Variants in EXTL3 observed in about 807,000 individuals in gnomAD.
EXTL3 encodes exostosin like glycosyltransferase 3.
EXTL3 carries 27 observed loss-of-function variants against 69.3 expected under a neutral mutation model. The observed-to-expected ratio is 0.39, with a 90% CI of 0.29 to 0.54. The LOEUF (loss-of-function observed/expected upper bound fraction) is 0.54, where lower values mean the gene tolerates loss of function less well. EXTL3 is among the 20% of genes least tolerant of loss of function. The pLI is 0.69. For missense variants in EXTL3, 1,003 were observed against 1,231.8 expected, an observed-to-expected ratio of 0.81 and a Z score of 2.78; for synonymous variants, 511 against 499.4, an observed-to-expected ratio of 1.02 and a Z score of -0.31.
chr8:28,675,748 G>A (rs578083035), intron 1 of EXTL3, among the ~76,000 whole-genome samples: 20 of 152,276 alleles, frequency 1.3e-4, no homozygotes, highest in East Asian at 1.9e-4. Flanking sequence ...CTGGCTGGGC[G>A]CGGCAGCTCA....
intron 1 of EXTL3, among the ~76,000 whole-genome samples, chr8:28,661,884 C>CA (rs915856534): frequency 8.5e-5 from 12 of 141,654 alleles, no homozygotes; most frequent in Non-Finnish European, 1.4e-4. Context: ...AACTCCTTCT[C>CA]AAAAAAAAAA....
intron 2 of EXTL3, among the ~76,000 whole-genome samples, chr8:28,610,945 G>A (rs1354962654): frequency 4.6e-5 from 7 of 152,060 alleles, no homozygotes; most frequent in Non-Finnish European, 8.8e-5. Flanking sequence ...GTTTCACCAT[G>A]TTGGCCAGGC....
intron 2 of EXTL3, among the ~76,000 whole-genome samples, chr8:28,610,262 C>T (rs1055301589): frequency 2.0e-5 from 3 of 149,012 alleles, no homozygotes; most frequent in Non-Finnish European, 4.4e-5. Flanking sequence ...TGAAACAATT[C>T]CAGAGTTAGT....
chr8:28,726,622 A>G (rs936927601), intron 3 of EXTL3, among the ~76,000 whole-genome samples: 10 of 152,088 alleles, frequency 6.6e-5, no homozygotes, highest in South Asian at 2.1e-4. Context: ...CTTGTGCACT[A>G]TAGGATCTGG....
chr8:28,738,653 C>T (rs1801706165), intron 5 of EXTL3, among the ~76,000 whole-genome samples: 2 of 152,162 alleles, frequency 1.3e-5, no homozygotes, highest in South Asian at 4.1e-4. Context: ...TCTTCTGTGC[C>T]CTGAGTCTTC....
intron 3 of EXTL3, among the ~76,000 whole-genome samples, chr8:28,719,416 T>C (rs1362719701): frequency 6.6e-6 from 1 of 152,250 alleles, no homozygotes; most frequent in African/African-American, 2.4e-5. Flanking sequence ...TGGGCAGCTT[T>C]AACTGACTTC....
intron 1 of EXTL3, among the ~76,000 whole-genome samples, chr8:28,686,841 A>G (rs1807586012): frequency 6.6e-6 from 1 of 152,218 alleles, no homozygotes; most frequent in Admixed American, 6.5e-5. Context: ...GCTATTTTAC[A>G]TATGATATCT....
At chr8:28,661,062 T>C (rs886663789) in intron 1 of EXTL3, among the ~76,000 whole-genome samples, 6 of 151,554 alleles carry the variant, frequency 4.0e-5, no homozygotes, top group Non-Finnish European at 7.4e-5. Context: ...TACAGGTGCC[T>C]GCCACCACGC....
chr8:28,642,541 C>A (rs1326185355), intron 1 of EXTL3, among the ~76,000 whole-genome samples: 1 of 151,462 alleles, frequency 6.6e-6, no homozygotes, highest in Non-Finnish European at 1.5e-5. Flanking sequence ...TTGCATGAGT[C>A]CAGGAGTTCG....
intron 1 of EXTL3, among the ~76,000 whole-genome samples, chr8:28,662,182 G>T (rs943092809): frequency 3.3e-5 from 5 of 151,782 alleles, no homozygotes; most frequent in African/African-American, 1.2e-4. Context: ...AATAATACCT[G>T]GACAAGCTCT....
At chr8:28,738,761 T>C (rs1282189983) in intron 5 of EXTL3, among the ~76,000 whole-genome samples, 1 of 152,216 alleles carries the variant, frequency 6.6e-6, no homozygotes, top group Non-Finnish European at 1.5e-5. Flanking sequence ...AGGGAACATT[T>C]TCATTGCTTA....
intron 1 of EXTL3, among the ~76,000 whole-genome samples, chr8:28,634,197 C>G (rs1806616743): frequency 6.6e-6 from 1 of 152,106 alleles, no homozygotes. Flanking sequence ...TGTGTTTTAG[C>G]AAAAATTCTC....
chr8:28,659,478 G>T (rs1355362335), intron 1 of EXTL3, among the ~76,000 whole-genome samples: 2 of 152,142 alleles, frequency 1.3e-5, no homozygotes, highest in African/African-American at 4.8e-5. Context: ...AACTGATTTC[G>T]ATTTCTCTCT....
chr8:28,730,557 GTT>G (rs764829642), intron 3 of EXTL3, among the ~76,000 whole-genome samples: 133 of 152,294 alleles, frequency 8.7e-4, no homozygotes, highest in South Asian at 1.9e-3. Context: ...ACCAGTTTCT[GTT>G]TTATGAAGGA....
chr8:28,714,572 G>A (rs1262471369), intron 2 of EXTL3, among the ~76,000 whole-genome samples: 3 of 152,176 alleles, frequency 2.0e-5, no homozygotes, highest in Non-Finnish European at 4.4e-5. Context: ...GTTATACTTA[G>A]CATGTCTTAG....
intron 5 of EXTL3, chr8:28,742,136 C>T (rs1262256085): frequency 1.3e-5 from 2 of 152,098 alleles, no homozygotes; most frequent in Non-Finnish European, 2.9e-5. Flanking sequence ...ATAGTAATTT[C>T]AACATCAACA....
At chr8:28,683,699 A>T (rs937117838) in intron 1 of EXTL3, among the ~76,000 whole-genome samples, 2 of 151,920 alleles carry the variant, frequency 1.3e-5, no homozygotes, top group African/African-American at 2.4e-5. Context: ...AGTCCCAGCT[A>T]CTCAGGAGGC....
chr8:28,633,810 C>T (rs1008882911), intron 1 of EXTL3, among the ~76,000 whole-genome samples: 4 of 152,126 alleles, frequency 2.6e-5, no homozygotes, highest in Middle Eastern at 3.2e-3. Flanking sequence ...GATGGAGATA[C>T]GAATGACCTG....
chr8:28,631,954 G>C (rs1806576405), intron 1 of EXTL3, among the ~76,000 whole-genome samples: 1 of 151,208 alleles, frequency 6.6e-6, no homozygotes, highest in Admixed American at 6.6e-5. Flanking sequence ...TGGGTGTGGT[G>C]GTGCACGCCT....
Sources: gnomAD v4.1 joint callset for allele counts (sites outside exome capture counted in the v4.1 genomes callset) on GRCh38, gnomAD v4.1.1 for gene constraint, MANE v1.5 for transcripts, NCBI Gene and HGNC (gene_info 2026-07-23, HGNC 2026-07-21) for gene names.